CLDN10: variants seen among roughly 807,000 people sequenced by gnomAD.
CLDN10 encodes the protein claudin-10.
CLDN10 carries 15 observed loss-of-function variants against 22.9 expected under a neutral mutation model. The ratio of observed to expected loss-of-function variants is 0.65; its 90% CI spans 0.44 to 1.01. The LOEUF (loss-of-function observed/expected upper bound fraction) is 1.01, where lower values mean the gene tolerates loss of function less well. Among genes scored for constraint, CLDN10 ranks in the 50% least tolerant of loss-of-function variants. The pLI is 0.00. For missense variants in CLDN10, 247 were observed against 287.8 expected (o/e 0.86, Z 1.03); for synonymous variants, 114 against 111.4 (o/e 1.02, Z -0.15).
At chr13:95,496,564 G>A (rs1343922828) in intron 1 of CLDN10, among the ~76,000 whole-genome samples, 1 of 152,180 alleles carries the variant, frequency 6.6e-6, no homozygotes, top group Non-Finnish European at 1.5e-5. Flanking sequence ...TCTGGAGGCT[G>A]GGAAGTTCAC....
chr13:95,483,398 A>G (rs2138499965), intron 1 of CLDN10, among the ~76,000 whole-genome samples: 1 of 152,100 alleles, frequency 6.6e-6, no homozygotes. Context: ...TTGTAGAGAC[A>G]TGGTCTCACT....
At chr13:95,537,738 C>A (rs969252188) in intron 1 of CLDN10, among the ~76,000 whole-genome samples, 2 of 152,140 alleles carry the variant, frequency 1.3e-5, no homozygotes, top group Admixed American at 1.3e-4. Context: ...TTCCAAATTC[C>A]AGGTTTTCCA....
At chr13:95,477,463 A>C (rs869531) in intron 1 of CLDN10, among the ~76,000 whole-genome samples, 17,820 of 152,098 alleles carry the variant, frequency 0.12, 1,202 homozygotes, top group South Asian at 0.25. Context: ...AAAGCATATC[A>C]CCCGGAGGAC....
At chr13:95,540,797 C>T (rs535940062) in intron 1 of CLDN10, among the ~76,000 whole-genome samples, 1 of 152,274 alleles carries the variant, frequency 6.6e-6, no homozygotes, top group East Asian at 1.9e-4. Flanking sequence ...TGGGGAGAGA[C>T]ATTGCTTTTT....
At chr13:95,502,195 C>T (rs7982563) in intron 1 of CLDN10, among the ~76,000 whole-genome samples, 1 of 152,000 alleles carries the variant, frequency 6.6e-6, no homozygotes, top group Non-Finnish European at 1.5e-5. Context: ...GAACTCCAAG[C>T]TTCCTGACTT....
chr13:95,452,390 T>G (rs2042440054), intron 1 of CLDN10, among the ~76,000 whole-genome samples: 1 of 152,328 alleles, frequency 6.6e-6, no homozygotes. Context: ...AGGCTCTGAT[T>G]ATTTGAACAG....
chr13:95,573,198 C>T (rs1236463607), intron 3 of CLDN10, among the ~76,000 whole-genome samples: 1 of 152,144 alleles, frequency 6.6e-6, no homozygotes, highest in Non-Finnish European at 1.5e-5. Context: ...TTCCACATTC[C>T]TTGTTTCTAA....
At chr13:95,560,672 T>C (rs745423311) in intron 3 of CLDN10, 2 of 559,536 alleles carry the variant, frequency 3.6e-6, no homozygotes, top group African/African-American at 3.8e-5. Flanking sequence ...CAGTGTCTTG[T>C]CTCGAAACAG....
At chr13:95,492,362 T>G (rs1594560295) in intron 1 of CLDN10, among the ~76,000 whole-genome samples, 2 of 147,676 alleles carry the variant, frequency 1.4e-5, no homozygotes, top group South Asian at 2.2e-4. Flanking sequence ...GGGATGGGGG[T>G]GGGATTCCTA....
chr13:95,474,931 G>A (rs1594544510), intron 1 of CLDN10, among the ~76,000 whole-genome samples: 1 of 152,230 alleles, frequency 6.6e-6, no homozygotes, highest in Middle Eastern at 3.4e-3. Flanking sequence ...GTGGGTGGAG[G>A]GCCTGAGCCT....
intron 1 of CLDN10, among the ~76,000 whole-genome samples, chr13:95,534,451 C>A (rs1314632288): frequency 6.6e-6 from 1 of 152,116 alleles, no homozygotes; most frequent in Non-Finnish European, 1.5e-5. Context: ...CTTAACTATA[C>A]TCCTGTCAAA....
At chr13:95,443,056 C>G (rs1310114422) in intron 1 of CLDN10, among the ~76,000 whole-genome samples, 1 of 152,196 alleles carries the variant, frequency 6.6e-6, no homozygotes, top group African/African-American at 2.4e-5. Context: ...CTCCAGAAGA[C>G]TGATACTCTA....
chr13:95,464,097 AAT>A (rs560024935), intron 1 of CLDN10, among the ~76,000 whole-genome samples: 24 of 148,828 alleles, frequency 1.6e-4, no homozygotes, highest in African/African-American at 2.5e-4. Context: ...ATTTTTTTTA[AAT>A]ATATATATAT....
chr13:95,473,500 G>T (rs553625210), intron 1 of CLDN10, among the ~76,000 whole-genome samples: 15 of 152,208 alleles, frequency 9.9e-5, no homozygotes, highest in Non-Finnish European at 1.8e-4. Flanking sequence ...GAACAGCTCC[G>T]CCCTCGGCCG....
chr13:95,510,379 A>G (rs761418952), intron 1 of CLDN10, among the ~76,000 whole-genome samples: 1 of 152,198 alleles, frequency 6.6e-6, no homozygotes, highest in Non-Finnish European at 1.5e-5. Flanking sequence ...AGCACACTTT[A>G]AAGTTTATGA....
At chr13:95,509,782 C>A (rs1283380638) in intron 1 of CLDN10, among the ~76,000 whole-genome samples, 1 of 152,074 alleles carries the variant, frequency 6.6e-6, no homozygotes, top group East Asian at 1.9e-4. Flanking sequence ...GGTTTCCTGC[C>A]ACCATCGTCT....
At chr13:95,439,506 G>C (rs780021363) in intron 1 of CLDN10, among the ~76,000 whole-genome samples, 1 of 152,000 alleles carries the variant, frequency 6.6e-6, no homozygotes, top group Non-Finnish European at 1.5e-5. Flanking sequence ...GCTAATTTCT[G>C]TATTTTTAAT....
intron 1 of CLDN10, among the ~76,000 whole-genome samples, chr13:95,471,231 C>A (rs941533101): frequency 2.6e-5 from 4 of 151,834 alleles, no homozygotes; most frequent in Non-Finnish European, 4.4e-5. Context: ...AAGAGTAAGG[C>A]ATGTTGGAGT....
chr13:95,434,134 A>T (rs1594514956), intron 1 of CLDN10: 1 of 1,198,568 alleles, frequency 8.3e-7, no homozygotes, highest in Non-Finnish European at 1.2e-6. Flanking sequence ...GCTGGCTGTT[A>T]ACTCTCTGAA....
Sources: gnomAD v4.1 joint callset for allele counts (sites outside exome capture counted in the v4.1 genomes callset) on GRCh38, gnomAD v4.1.1 for gene constraint, MANE v1.5 for transcripts, NCBI Gene and HGNC (gene_info 2026-07-23, HGNC 2026-07-21) for gene names.